The following ATP8A1 variants were observed in gnomAD, a reference collection of about 807,000 sequenced individuals.
The protein encoded by ATP8A1 is ATPase phospholipid transporting 8A1.
In ATP8A1, 90 loss-of-function variants were observed where a neutral mutation model predicts 177.7. The ratio of observed to expected loss-of-function variants is 0.51; its 90% CI spans 0.43 to 0.60. ATP8A1 has a LOEUF of 0.60. ATP8A1 is among the 20% of genes least tolerant of loss of function. The pLI, the probability that ATP8A1 is intolerant of heterozygous loss-of-function variation, is 0.00. For synonymous variants in ATP8A1, 493 were observed against 485.9 expected, an observed-to-expected ratio of 1.01 and a Z score of -0.19; for missense variants, 1,072 against 1,392.8, an observed-to-expected ratio of 0.77 and a Z score of 3.67.
chr4:42,526,151 G>A (rs191654501), intron 20 of ATP8A1, among the ~76,000 whole-genome samples: 20 of 152,184 alleles, frequency 1.3e-4, no homozygotes, highest in Admixed American at 1.0e-3. Flanking sequence ...ATTAAATTCG[G>A]TACTGTATCC....
intron 15 of ATP8A1, chr4:42,561,835 TCTCC>T (rs1463470596): frequency 3.3e-5 from 5 of 152,296 alleles, no homozygotes; most frequent in African/African-American, 1.2e-4. Context: ...CCTCCATTTC[TCTCC>T]CTGTTTGGTA....
At chr4:42,607,317 G>A (rs1466819487) in intron 5 of ATP8A1, among the ~76,000 whole-genome samples, 1 of 152,126 alleles carries the variant, frequency 6.6e-6, no homozygotes, top group Non-Finnish European at 1.5e-5. Context: ...TTAAAAATCA[G>A]CTCACAACAT....
intron 20 of ATP8A1, among the ~76,000 whole-genome samples, chr4:42,529,703 G>T (rs945890783): frequency 2.0e-5 from 3 of 152,158 alleles, no homozygotes; most frequent in Admixed American, 6.5e-5. Flanking sequence ...GGTTCTGCAC[G>T]ATATGCAGGC....
At chr4:42,617,476 T>A (rs1018814380) in intron 4 of ATP8A1, among the ~76,000 whole-genome samples, 1 of 152,242 alleles carries the variant, frequency 6.6e-6, no homozygotes, top group Non-Finnish European at 1.5e-5. Flanking sequence ...TAAAGTTCTG[T>A]TAAATTTGTA....
intron 17 of ATP8A1, 38 bp from the exon 18 acceptor site, chr4:42,551,318 G>T: frequency 7.2e-7 from 1 of 1,395,894 alleles, no homozygotes; most frequent in Non-Finnish European, 1.0e-6. Context: ...ACACATGATT[G>T]AAAAAAAAAT....
At chr4:42,611,277 T>A (rs906745592) in intron 5 of ATP8A1, among the ~76,000 whole-genome samples, 3 of 152,194 alleles carry the variant, frequency 2.0e-5, no homozygotes, top group Non-Finnish European at 4.4e-5. Context: ...ATGAGTCGAT[T>A]TATTATTTTT....
chr4:42,537,616 C>T (rs1054290307), intron 20 of ATP8A1, among the ~76,000 whole-genome samples: 2 of 152,128 alleles, frequency 1.3e-5, no homozygotes, highest in Non-Finnish European at 2.9e-5. Context: ...CTGCTATACA[C>T]CAACAGTGAC....
At chr4:42,433,775 G>A (rs1252934616) in intron 33 of ATP8A1, among the ~76,000 whole-genome samples, 1 of 151,802 alleles carries the variant, frequency 6.6e-6, no homozygotes, top group African/African-American at 2.4e-5. Context: ...ATCATCTCGT[G>A]GGGGCTAAGA....
intron 10 of ATP8A1, 51 bp downstream of exon 10, chr4:42,581,570 T>A (rs765406644): frequency 6.1e-6 from 8 of 1,301,788 alleles, no homozygotes; most frequent in Admixed American, 1.7e-5. Flanking sequence ...CTGTAAATCA[T>A]ACACTCACAA....
chr4:42,533,494 C>T (rs564445558), intron 20 of ATP8A1, among the ~76,000 whole-genome samples: 28 of 152,250 alleles, frequency 1.8e-4, no homozygotes, highest in African/African-American at 6.7e-4. Flanking sequence ...GCAGCCTCAT[C>T]AAGTCCCACC....
intron 5 of ATP8A1, among the ~76,000 whole-genome samples, chr4:42,606,941 A>G (rs1297161471): frequency 6.6e-6 from 1 of 152,218 alleles, no homozygotes; most frequent in Non-Finnish European, 1.5e-5. Context: ...AGACAAGCAC[A>G]AACTTATCCA....
intron 24 of ATP8A1, among the ~76,000 whole-genome samples, chr4:42,487,379 G>A (rs1722299922): frequency 6.6e-6 from 1 of 152,006 alleles, no homozygotes; most frequent in African/African-American, 2.4e-5. Flanking sequence ...TAACCTAATG[G>A]AGCCAATTTC....
At chr4:42,539,444 A>G (rs775180936) in intron 20 of ATP8A1, among the ~76,000 whole-genome samples, 10 of 146,338 alleles carry the variant, frequency 6.8e-5, no homozygotes, top group Non-Finnish European at 1.5e-4. Context: ...TCACAGTTAG[A>G]AAAAATAATC....
At chr4:42,467,585 C>T (rs745954977) in intron 25 of ATP8A1, among the ~76,000 whole-genome samples, 11 of 152,210 alleles carry the variant, frequency 7.2e-5, no homozygotes, top group Non-Finnish European at 8.8e-5. Context: ...CCCAGCTACT[C>T]GGGAAGCTGA....
At chr4:42,607,425 AC>A in intron 5 of ATP8A1, among the ~76,000 whole-genome samples, 1 of 152,200 alleles carries the variant, frequency 6.6e-6, no homozygotes, top group East Asian at 1.9e-4. Context: ...GTTCTTAAAC[AC>A]CCAGTCCTTA....
chr4:42,631,571 C>T (rs10008642), intron 1 of ATP8A1, among the ~76,000 whole-genome samples: 73,762 of 151,888 alleles, frequency 0.49, 18,037 homozygotes, highest in East Asian at 0.69. Context: ...GGACCAACCT[C>T]TTAAAAGTTT....
At chr4:42,532,025 A>T (rs1727311788) in intron 20 of ATP8A1, among the ~76,000 whole-genome samples, 1 of 151,952 alleles carries the variant, frequency 6.6e-6, no homozygotes, top group Non-Finnish European at 1.5e-5. Context: ...TCATGTGAGC[A>T]CAGGAAGTCA....
intron 15 of ATP8A1, among the ~76,000 whole-genome samples, chr4:42,560,335 T>C (rs1377428577): frequency 6.6e-6 from 1 of 152,154 alleles, no homozygotes; most frequent in African/African-American, 2.4e-5. Flanking sequence ...CCTTTTCTTT[T>C]ACACTCCTTG....
intron 20 of ATP8A1, among the ~76,000 whole-genome samples, chr4:42,543,566 T>C (rs1318910696): frequency 6.6e-6 from 1 of 152,234 alleles, no homozygotes; most frequent in East Asian, 1.9e-4. Flanking sequence ...TTCTATGCTC[T>C]TAAAAAATTA....
Sources: allele counts gnomAD v4.1 joint callset (sites outside exome capture counted in the v4.1 genomes callset), GRCh38; gene constraint gnomAD v4.1.1; transcripts MANE v1.5; gene names NCBI Gene and HGNC (gene_info 2026-07-23, HGNC 2026-07-21).